EFNA3: variants seen among roughly 807,000 people sequenced by gnomAD.
EFNA3 encodes the protein ephrin-A3.
In EFNA3, 15 loss-of-function variants were observed where a neutral mutation model predicts 25.0. The observed-to-expected ratio is 0.60, with a 90% CI of 0.40 to 0.92. The LOEUF is 0.92. EFNA3 is among the 40% of genes least tolerant of loss of function. EFNA3 has a pLI of 0.00. For synonymous variants in EFNA3, 153 were observed against 145.6 expected, an observed-to-expected ratio of 1.05 and a Z score of -0.37; for missense variants, 298 against 323.8, an observed-to-expected ratio of 0.92 and a Z score of 0.61.
In EFNA3 at chr1:155,086,223, C is replaced by T. The variant is rs1167247719; in HGVS notation, c.586+18C>T. 1.2e-6 allele frequency: 2 copies of T among 1,613,318 alleles called. No homozygotes were observed. The highest frequency in any genetic ancestry group is 1.7e-6 in the Non-Finnish European group (2 of 1,179,468). ...CGTGCTGGGTGAGTCTGCGCAGCGCCCTCTGGTGGCCACTGCTGGAACCGC... is the reference window on the plus strand; with the variant it reads ...CGTGCTGGGTGAGTCTGCGCAGCGCTCTCTGGTGGCCACTGCTGGAACCGC... On this transcript the variant is annotated intron_variant, in intron 4 of 4. Coordinates refer to ENST00000368408, the MANE Select transcript of EFNA3 (RefSeq NM_004952.5).
At position 155,085,238 on chromosome 1, in the gene EFNA3, C is replaced by T. The variant is rs1039160890; in HGVS notation, c.276C>T (p.Ser92=). 2 of 1,613,014 alleles carry T rather than the reference C, an allele frequency of 1.2e-6. No homozygotes were observed. The highest frequency in any genetic ancestry group is 2.7e-5 in the African/African-American group (2 of 74,992). Reference sequence around the variant, plus strand: ...AGCAGTACGTGCTGTACATGGTGAGCCGCAACGGCTACCGCACCTGCAACG... The same window carrying T: ...AGCAGTACGTGCTGTACATGGTGAGTCGCAACGGCTACCGCACCTGCAACG... The part of the protein sequence containing the change: ...GAEQYVLYMV[S]RNGYRTCNAS... The change falls in exon 2 of 5, where the codon AGC becomes AGT. Residue 92 remains serine (S), a synonymous_variant. Coordinates refer to ENST00000368408, the MANE Select transcript of EFNA3 (RefSeq NM_004952.5). This position sits in a 1 kb window ranked among gnomAD's most constrained non-coding sequence, Gnocchi z 4.4.
Position 155,079,567 on chromosome 1 carries a change from G to T in EFNA3, c.128+498G>T, listed in dbSNP as rs1558144075. Among the ~76,000 whole-genome samples, 1 of 152,174 alleles carries T rather than the reference G, an allele frequency of 6.6e-6. No homozygotes were observed. On this transcript the variant is annotated intron_variant, in intron 1 of 4. Coordinates refer to ENST00000368408, the MANE Select transcript of EFNA3 (RefSeq NM_004952.5). This position sits in a 1 kb window ranked among gnomAD's most constrained non-coding sequence, Gnocchi z 7.7. Reference sequence around the variant, plus strand: ...ACCTCCCTAGAAGGAAGGCGAATGGGTTGTCTTGGTTGTGTGGATAAGCCC... The same window carrying T: ...ACCTCCCTAGAAGGAAGGCGAATGGTTTGTCTTGGTTGTGTGGATAAGCCC...
intron 4 of EFNA3, 40 bp downstream of exon 4, chr1:155,086,245 C>T (rs1210476540): frequency 6.2e-7 from 1 of 1,605,206 alleles, no homozygotes; most frequent in South Asian, 1.1e-5. Flanking sequence ...ACTGCTGGAA[C>T]CGCAGCCCCC....
Position 155,086,393 on chromosome 1 carries a change from G to T in EFNA3, c.587-20G>T. 1 of 1,613,478 alleles carries T rather than the reference G, an allele frequency of 6.2e-7. No homozygotes were observed. Among genetic ancestry groups the T allele is most frequent in the Non-Finnish European group, 8.5e-7 (1 of 1,179,612 alleles). On this transcript the variant is annotated intron_variant, in intron 4 of 4. Transcript: ENST00000368408. ...CGCGCAACCCAGCCCTCACCAGTCT[G>T]TCTGTTCCTCTGTCCACAGAAGACT...
At chr1:155,082,309 G>A (rs946340421) in intron 1 of EFNA3, among the ~76,000 whole-genome samples, 3 of 152,240 alleles carry the variant, frequency 2.0e-5, no homozygotes, top group African/African-American at 4.8e-5. Flanking sequence ...GTCTAAGACC[G>A]GGGCTGGGGG....
At position 155,079,797 on chromosome 1, in the gene EFNA3, CTGAG is replaced by C. The variant is rs564438947; in HGVS notation, c.128+731_128+734del. ...CGCGGCTGTCAGTGTGCGTGTGTGTCTGAGTGTGTGATTTGTGTGTCTGCGTCGG... is the reference window on the plus strand; with the variant it reads ...CGCGGCTGTCAGTGTGCGTGTGTGTCTGTGTGATTTGTGTGTCTGCGTCGG... On this transcript the variant is annotated intron_variant, in intron 1 of 4. Transcript: ENST00000368408. This position sits in a 1 kb window ranked among gnomAD's most constrained non-coding sequence, Gnocchi z 7.7. Among the ~76,000 whole-genome samples, 20 of 152,082 alleles carry C rather than the reference CTGAG, an allele frequency of 1.3e-4. No homozygotes were observed. In the South Asian group the frequency reaches 4.2e-3, roughly 32 times the overall value.
Position 155,079,218 on chromosome 1 carries a change from T to C in EFNA3, c.128+149T>C. ...GGGACGGAGAGGGGGACGCACTCTG[T>C]GGGCGTCTAGGAAACTCGGGGGTGT... is the stretch of plus-strand genomic sequence containing the variant. On this transcript the variant is annotated intron_variant, in intron 1 of 4. Transcript: ENST00000368408. This position sits in a 1 kb window ranked among gnomAD's most constrained non-coding sequence, Gnocchi z 7.7. The C allele has an allele frequency of 3.1e-6, 3 of 968,746 alleles. No homozygotes were observed. Among genetic ancestry groups the C allele is most frequent in the Non-Finnish European group, 4.1e-6 (3 of 733,976 alleles). 60.0% of individuals were successfully genotyped at this position (968,746 alleles called of 1,614,324 possible). A position where few individuals can be genotyped will look rare whatever the true frequency, so the allele number is the denominator to read the frequency against.
chr1:155,082,627 G>A (rs1210002015), intron 1 of EFNA3, among the ~76,000 whole-genome samples: 1 of 152,148 alleles, frequency 6.6e-6, no homozygotes, highest in Non-Finnish European at 1.5e-5. Context: ...GTCGGCATTC[G>A]CCTTTCTGCA....
intron 1 of EFNA3, among the ~76,000 whole-genome samples, chr1:155,084,075 C>T (rs1020700321): frequency 1.3e-5 from 2 of 152,208 alleles, no homozygotes; most frequent in African/African-American, 4.8e-5. Context: ...TTCTCTGTCC[C>T]AAAGAGGGAT....
In EFNA3 at chr1:155,081,607, T is replaced by C. The variant is rs1416816985; in HGVS notation, c.128+2538T>C. Among the ~76,000 whole-genome samples the C allele has an allele frequency of 6.6e-6, 1 of 152,210 alleles. No individual in the cohort carries two copies. Among genetic ancestry groups the C allele is most frequent in the East Asian group, 1.9e-4 (1 of 5,186 alleles). ...CCTGATGGTCTTTCTCTGTGTTTTC[T>C]CCCAGTCTCTGAGTCTCAGCCTTGC... On this transcript the variant is annotated intron_variant, in intron 1 of 4. Transcript: ENST00000368408. The surrounding 1 kb of genome is among the most constrained non-coding windows in gnomAD (Gnocchi z 5.2).
chr1:155,085,478 G>C lies in EFNA3; in HGVS notation c.442+74G>C. 1 of 1,448,482 alleles carries C rather than the reference G, an allele frequency of 6.9e-7. No homozygotes were observed. The highest frequency in any genetic ancestry group is 2.5e-5 in the East Asian group (1 of 40,086). 89.7% of individuals were successfully genotyped at this position (1,448,482 alleles called of 1,614,324 possible). A position where few individuals can be genotyped will look rare whatever the true frequency, so the allele number is the denominator to read the frequency against. ...GACAGCCGGGGGGTGGAGCCCCTAG[G>C]CTCCGGGGCGGGGCCGGCGCGGCGG... is the stretch of plus-strand genomic sequence containing the variant. On this transcript the variant is annotated intron_variant, in intron 2 of 4. Coordinates refer to ENST00000368408, the MANE Select transcript of EFNA3 (RefSeq NM_004952.5). The surrounding 1 kb of genome is among the most constrained non-coding windows in gnomAD (Gnocchi z 4.4).
At position 155,087,386 on chromosome 1, in the gene EFNA3, C is replaced by CGGAAGGGAGG. The variant is rs1663495050; in HGVS notation, c.*843_*844insGGAAGGGAGG. ...ACCGTAAAACAACAACGCCCCCTCC[C>CGGAAGGGAGG]TTCCAGCCCTGAGCCGGGAACCATC... is the stretch of plus-strand genomic sequence containing the variant. On this transcript the variant is annotated 3_prime_UTR_variant, in exon 5 of 5. Transcript: ENST00000368408. 6.5e-6 allele frequency: 1 copy of CGGAAGGGAGG among 153,084 alleles called. No homozygotes were observed. Among genetic ancestry groups the CGGAAGGGAGG allele is most frequent in the East Asian group, 1.9e-4 (1 of 5,326 alleles). The allele number at this position is 153,084 out of a possible 1,614,324, so 9.5% of individuals were successfully genotyped here.
rs1193240949 is a variant in EFNA3 at position 155,085,389 on chromosome 1, G to A, written c.427G>A (p.Glu143Lys). Residue 143 changes from glutamate to lysine, a missense_variant, in exon 2 of 5, where the codon GAG becomes AAG. Coordinates refer to ENST00000368408, the MANE Select transcript of EFNA3 (RefSeq NM_004952.5). This position sits in a 1 kb window ranked among gnomAD's most constrained non-coding sequence, Gnocchi z 4.4. Reference protein sequence around the residue: ...SLGYEFHAGHEYYYISTPTHN... With the variant: ...SLGYEFHAGHKYYYISTPTHN... ...GGGCTACGAGTTCCACGCCGGCCAC[G>A]AGTACTACTACATCTGTGAGTGACG... 8 of 1,608,186 alleles carry A rather than the reference G, an allele frequency of 5.0e-6. No individual in the cohort carries two copies. The South Asian group carries it at 5.5e-5, about 11-fold the overall frequency.
chr1:155,085,189 G>T lies in EFNA3; in HGVS notation c.227G>T (p.Gly76Val). 1 of 1,612,948 alleles carries T rather than the reference G, an allele frequency of 6.2e-7. No homozygotes were observed. The highest frequency in any genetic ancestry group is 8.5e-7 in the Non-Finnish European group (1 of 1,179,774). ...AGCTCGGGGGTGGGCCCCGGGGCGGGACCGGGGCCCGGAGGCGGGGCAGAG... is the reference window on the plus strand; with the variant it reads ...AGCTCGGGGGTGGGCCCCGGGGCGGTACCGGGGCCCGGAGGCGGGGCAGAG... ...YNSSGVGPGA[G>V]PGPGGGAEQY... The change falls in exon 2 of 5, where the codon GGA (glycine) becomes GTA (valine). Residue 76 changes from glycine (G) to valine (V), a missense_variant. Coordinates refer to ENST00000368408, the MANE Select transcript of EFNA3 (RefSeq NM_004952.5). The surrounding 1 kb of genome is among the most constrained non-coding windows in gnomAD (Gnocchi z 4.4).
chr1:155,085,170 G>T lies in EFNA3; in HGVS notation c.208G>T (p.Gly70Trp). 2 of 1,555,544 alleles carry T rather than the reference G, an allele frequency of 1.3e-6. No homozygotes were observed. The highest frequency in any genetic ancestry group is 1.8e-6 in the Non-Finnish European group (2 of 1,137,142). Residue 70 changes from glycine (G) to tryptophan (W), a missense_variant, in exon 2 of 5, where the codon GGG becomes TGG. Coordinates refer to ENST00000368408, the MANE Select transcript of EFNA3 (RefSeq NM_004952.5). This position sits in a 1 kb window ranked among gnomAD's most constrained non-coding sequence, Gnocchi z 4.4. The part of the protein sequence containing the change: ...DIYCPHYNSS[G>W]VGPGAGPGPG... ...TTACTGCCCGCACTACAACAGCTCG[G>T]GGGTGGGCCCCGGGGCGGGACCGGG... is the stretch of plus-strand genomic sequence containing the variant.
intron 1 of EFNA3, among the ~76,000 whole-genome samples, chr1:155,084,872 A>G (rs770985014): frequency 3.3e-5 from 5 of 152,212 alleles, no homozygotes; most frequent in Non-Finnish European, 7.3e-5. Context: ...TCTGGTGGCC[A>G]ACAGGAGAAG....
chr1:155,080,900 C>T lies in EFNA3; in HGVS notation c.128+1831C>T, dbSNP rs1470213067. Among the ~76,000 whole-genome samples, 2 of 152,190 alleles carry T rather than the reference C, an allele frequency of 1.3e-5. No homozygotes were observed. The highest frequency in any genetic ancestry group is 1.3e-4 in the Admixed American group (2 of 15,290). On this transcript the variant is annotated intron_variant, in intron 1 of 4. Coordinates refer to ENST00000368408, the MANE Select transcript of EFNA3 (RefSeq NM_004952.5). The surrounding 1 kb of genome is among the most constrained non-coding windows in gnomAD (Gnocchi z 7.0). ...TTGTTGCCGCTGCGCCCGGGCTCCC[C>T]GGCTCCCTCACTGCGGCAGCCGCGG...
intron 1 of EFNA3, among the ~76,000 whole-genome samples, chr1:155,084,716 G>C: frequency 6.6e-6 from 1 of 152,250 alleles, no homozygotes; most frequent in East Asian, 1.9e-4. Context: ...GATGGACGGA[G>C]GAAATCCGGG....
In EFNA3 at chr1:155,085,170, G is replaced by C. The variant is rs1663428706; in HGVS notation, c.208G>C (p.Gly70Arg). The C allele has an allele frequency of 2.6e-6, 4 of 1,555,544 alleles. No homozygotes were observed. Among genetic ancestry groups the C allele is most frequent in the Non-Finnish European group, 3.5e-6 (4 of 1,137,142 alleles). The change falls in exon 2 of 5, where the codon GGG becomes CGG. Residue 70 changes from glycine to arginine, a missense_variant. Physicochemically the swap from Gly to Arg is moderately radical, Grantham distance 125 (BLOSUM62 -2). Transcript: ENST00000368408. This position sits in a 1 kb window ranked among gnomAD's most constrained non-coding sequence, Gnocchi z 4.4. ...DIYCPHYNSSGVGPGAGPGPG... is the reference protein window; with the variant it reads ...DIYCPHYNSSRVGPGAGPGPG... The stretch of plus-strand genomic sequence containing the variant: ...TTACTGCCCGCACTACAACAGCTCG[G>C]GGGTGGGCCCCGGGGCGGGACCGGG...
Sources: gnomAD v4.1 joint callset for allele counts (sites outside exome capture counted in the v4.1 genomes callset) on GRCh38, gnomAD v4.1.1 for gene constraint, Gnocchi (gnomAD v3.1) non-coding constraint, MANE v1.5 for transcripts, NCBI Gene and HGNC (gene_info 2026-07-23, HGNC 2026-07-21) for gene names.